UBQLN1: variants seen among roughly 807,000 people sequenced by gnomAD.
UBQLN1 encodes the protein ubiquilin 1.
Under a neutral mutation model 65.4 loss-of-function variants are expected in UBQLN1, and 13 were observed. The ratio of observed to expected loss-of-function variants is 0.20; its 90% CI spans 0.13 to 0.32. The LOEUF (loss-of-function observed/expected upper bound fraction) is 0.32. UBQLN1 is among the 10% of genes least tolerant of loss of function. UBQLN1 has a pLI of 1.00. For missense variants in UBQLN1, 561 were observed against 724.0 expected (o/e 0.77, Z 2.58); for synonymous variants, 267 against 247.8 (o/e 1.08, Z -0.73).
chr9:83,689,909 C>T (rs1832098323), intron 1 of UBQLN1, among the ~76,000 whole-genome samples: 1 of 152,032 alleles, frequency 6.6e-6, no homozygotes. Context: ...ATTTAAATGG[C>T]AAACAACACA....
At position 83,665,100 on chromosome 9, in the gene UBQLN1, T is replaced by C; in HGVS notation, c.1378A>G (p.Met460Val). Residue 460 changes from methionine (M) to valine (V), a missense_variant, in exon 9 of 11, where the codon ATG becomes GTG. By Grantham distance (21) the Met-to-Val change is conservative (BLOSUM62 1). This residue lies in a region of UBQLN1 where 102 missense variants were observed against 150.7 expected (regional missense o/e 0.68). Transcript: ENST00000376395. ...TGCTGAATCTGTAACAAGGCCTGCA[T>C]TGCTCTAGGGTTTGACATTGCTGAT... ...TLSAMSNPRA[M>V]QALLQIQQGL... is the part of the protein sequence containing the mutation. The C allele has an allele frequency of 6.8e-6, 11 of 1,614,014 alleles. No homozygotes were observed. Among genetic ancestry groups the C allele is most frequent in the Non-Finnish European group, 9.3e-6 (11 of 1,179,972 alleles).
At chr9:83,698,329 G>T (rs1374093929) in intron 1 of UBQLN1, among the ~76,000 whole-genome samples, 1 of 152,208 alleles carries the variant, frequency 6.6e-6, no homozygotes, top group Non-Finnish European at 1.5e-5. Context: ...TAATTCAGCA[G>T]TCACTAGCTA....
At position 83,707,697 on chromosome 9, in the gene UBQLN1, C is replaced by A; in HGVS notation, c.-18G>T. On this transcript the variant is annotated 5_prime_UTR_variant, in exon 1 of 11. Transcript: ENST00000376395. ...TCGGCCATGGCTGTGGCGGCGGCGG[C>A]GGCGGTGACTCAGGCAAGCAGGAGG... is the stretch of plus-strand genomic sequence containing the variant. The A allele has an allele frequency of 6.6e-7, 1 of 1,523,690 alleles. No individual in the cohort carries two copies. Among genetic ancestry groups the A allele is most frequent in the Non-Finnish European group, 8.8e-7 (1 of 1,141,742 alleles). The allele number at this position is 1,523,690 out of a possible 1,614,324, so 94.4% of individuals were successfully genotyped here.
chr9:83,663,096 A>C (rs1587634971), intron 10 of UBQLN1, among the ~76,000 whole-genome samples: 1 of 148,284 alleles, frequency 6.7e-6, no homozygotes, highest in Non-Finnish European at 1.5e-5. Context: ...AAAGGCAAAG[A>C]GGGGAAAGAG....
In UBQLN1 at chr9:83,678,449, G is replaced by C; in HGVS notation, c.862C>G (p.Gln288Glu). 1 of 1,611,274 alleles carries C rather than the reference G, an allele frequency of 6.2e-7. No homozygotes were observed. The highest frequency in any genetic ancestry group is 8.5e-7 in the Non-Finnish European group (1 of 1,179,078). Residue 288 changes from glutamine (Q) to glutamate (E), a missense_variant, in exon 5 of 11, where the codon CAA (glutamine) becomes GAA (glutamate). Around this residue, in one of 8 missense-constraint regions of UBQLN1, gnomAD observed 75 missense variants for 138.9 expected, o/e 0.54. Transcript: ENST00000376395. Reference sequence around the variant, plus strand: ...TGGAGCCAGTGGATCACCTGCTCTTGTGCAGCACTCAGCATTGGTTCCTGA... The same window carrying C: ...TGGAGCCAGTGGATCACCTGCTCTTCTGCAGCACTCAGCATTGGTTCCTGA... The part of the protein sequence containing the change: ...DIQEPMLSAA[Q>E]EQFGGNPFAS...
chr9:83,667,629 T>C, intron 7 of UBQLN1: 3 of 985,402 alleles, frequency 3.0e-6, no homozygotes, highest in Non-Finnish European at 2.4e-6. Flanking sequence ...CATCAACATA[T>C]TAACGAGGTT....
intron 8 of UBQLN1, 30 bp downstream of exon 8, chr9:83,666,320 C>A (rs769142107): frequency 6.2e-7 from 1 of 1,604,090 alleles, no homozygotes; most frequent in South Asian, 1.1e-5. Flanking sequence ...AAATCATTAC[C>A]CAAGATAGCT....
chr9:83,702,642 A>G (rs1315024213), intron 1 of UBQLN1, among the ~76,000 whole-genome samples: 1 of 152,206 alleles, frequency 6.6e-6, no homozygotes, highest in African/African-American at 2.4e-5. Context: ...AAGTATTAAG[A>G]TATTTATTTT....
chr9:83,663,978 G>A lies in UBQLN1; in HGVS notation c.1514C>T (p.Ala505Val), dbSNP rs1424382071. 1 of 1,614,032 alleles carries A rather than the reference G, an allele frequency of 6.2e-7. No homozygotes were observed. The highest frequency in any genetic ancestry group is 1.3e-5 in the African/African-American group (1 of 74,924). The change falls in exon 10 of 11, where the codon GCC becomes GTC. Residue 505 changes from alanine (A) to valine (V), a missense_variant. By Grantham distance (64) the Ala-to-Val change is moderately conservative. Transcript: ENST00000376395. ...GGSSGTNGSNATPSENTSPTA... is the reference protein window; with the variant it reads ...GGSSGTNGSNVTPSENTSPTA... ...GGGACTTGTGTTTTCACTAGGTGTG[G>A]CGTTAGATCCATTAGTTCCCGAAGA...
At chr9:83,690,492 C>T (rs554819001) in intron 1 of UBQLN1, among the ~76,000 whole-genome samples, 17 of 152,096 alleles carry the variant, frequency 1.1e-4, no homozygotes, top group Non-Finnish European at 2.4e-4. Flanking sequence ...GGCTAAAACA[C>T]GAACCTGTAC....
chr9:83,707,617 T>C lies in UBQLN1; in HGVS notation c.63A>G (p.Glu21=). 1 of 1,588,578 alleles carries C rather than the reference T, an allele frequency of 6.3e-7. No homozygotes were observed. Among genetic ancestry groups the C allele is most frequent in the Non-Finnish European group, 8.6e-7 (1 of 1,168,048 alleles). Residue 21 remains glutamate, a synonymous_variant, in exon 1 of 11, where the codon GAA becomes GAG. Coordinates refer to ENST00000376395, the MANE Select transcript of UBQLN1 (RefSeq NM_013438.5). ...CAGCGGCCGCGGGGGCGCCAGCACC[T>C]TCGGCTCCGGCGGCGCTATCCTGGG... ...PGSQDSAAGA[E]GAGAPAAAAS...
At chr9:83,674,690 G>C (rs1261528821) in intron 6 of UBQLN1, among the ~76,000 whole-genome samples, 1 of 152,122 alleles carries the variant, frequency 6.6e-6, no homozygotes, top group Non-Finnish European at 1.5e-5. Flanking sequence ...TAAAAACAAC[G>C]CAAATGATTC....
rs2131136863 is a variant in UBQLN1, at chr9:83,661,197, C to T, written c.*590G>A. ...AGATTCTATACAATTAGGAAATACTCAGCTTTAAGAGTATTTTCTTATCTT... is the reference window on the plus strand; with the variant it reads ...AGATTCTATACAATTAGGAAATACTTAGCTTTAAGAGTATTTTCTTATCTT... On this transcript the variant is annotated 3_prime_UTR_variant, in exon 11 of 11. Transcript: ENST00000376395. 1 of 152,684 alleles carries T rather than the reference C, an allele frequency of 6.5e-6. No homozygotes were observed. The highest frequency in any genetic ancestry group is 2.4e-5 in the African/African-American group (1 of 41,562). The allele number at this position is 152,684 out of a possible 1,614,324, so 9.5% of individuals were successfully genotyped here. A position where few individuals can be genotyped will look rare whatever the true frequency, so the allele number is the denominator to read the frequency against.
chr9:83,696,426 A>G (rs567964420), intron 1 of UBQLN1, among the ~76,000 whole-genome samples: 2 of 152,312 alleles, frequency 1.3e-5, no homozygotes, highest in South Asian at 4.1e-4. Context: ...TCTGGGCAAC[A>G]TGGCAAAATC....
At chr9:83,673,526 C>G (rs111332281) in intron 6 of UBQLN1, among the ~76,000 whole-genome samples, 4,987 of 122,482 alleles carry the variant, frequency 0.041, 276 homozygotes, top group African/African-American at 0.14. Flanking sequence ...GCCTGGGTGA[C>G]AGGTCGAGAC....
chr9:83,706,458 C>A (rs1832408578), intron 1 of UBQLN1, among the ~76,000 whole-genome samples: 1 of 152,172 alleles, frequency 6.6e-6, no homozygotes, highest in African/African-American at 2.4e-5. Context: ...CTCACTGCTT[C>A]ACAAAATACA....
At chr9:83,697,564 A>AG (rs1832239139) in intron 1 of UBQLN1, among the ~76,000 whole-genome samples, 1 of 146,124 alleles carries the variant, frequency 6.8e-6, no homozygotes, top group African/African-American at 2.5e-5. Flanking sequence ...AAAAAAAAAA[A>AG]AAAAAAAAAA....
chr9:83,666,757 G>A (rs1831650673), intron 7 of UBQLN1: 1 of 208,280 alleles, frequency 4.8e-6, no homozygotes, highest in Admixed American at 5.3e-5. Flanking sequence ...AAAAATGGGA[G>A]TAACTGGCAT....
At chr9:83,668,560 T>C in intron 7 of UBQLN1, 1 of 985,500 alleles carries the variant, frequency 1.0e-6, no homozygotes, top group Admixed American at 6.1e-5. Context: ...ATCGGTACTG[T>C]CTATAAAGCT....
Sources: gnomAD v4.1 joint callset for allele counts (sites outside exome capture counted in the v4.1 genomes callset) on GRCh38, gnomAD v4.1.1 for gene constraint, gnomAD v4.1.1 regional missense constraint, MANE v1.5 for transcripts, NCBI Gene and HGNC (gene_info 2026-07-23, HGNC 2026-07-21) for gene names.